Variants in TXNDC15 observed in about 807,000 individuals in gnomAD.
TXNDC15 encodes the protein thioredoxin domain containing 15, also known as thioredoxin domain-containing protein 15.
In TXNDC15, 24 loss-of-function variants were observed where a neutral mutation model predicts 35.0. The observed-to-expected ratio is 0.68, with a 90% CI of 0.50 to 0.96. The LOEUF (loss-of-function observed/expected upper bound fraction) is 0.96. Ranked by LOEUF, TXNDC15 falls within the 40% of genes least tolerant of loss-of-function variation. TXNDC15 has a pLI of 0.00. For synonymous variants in TXNDC15, 169 were observed against 174.0 expected (o/e 0.97, Z 0.23); for missense variants, 385 against 453.3 (o/e 0.85, Z 1.37).
At chr5:134,893,860 G>A (rs1455447171) in intron 3 of TXNDC15, among the ~76,000 whole-genome samples, 1 of 152,174 alleles carries the variant, frequency 6.6e-6, no homozygotes, top group Non-Finnish European at 1.5e-5. Flanking sequence ...CTTAAAGAAA[G>A]TGGGCTGTTC....
At chr5:134,881,203 T>TTTA (rs1561897025) in intron 1 of TXNDC15, among the ~76,000 whole-genome samples, 3 of 28,888 alleles carry the variant, frequency 1.0e-4, no homozygotes, top group Admixed American at 3.1e-4. Context: ...TTATTTATTT[T>TTTA]TTTATTGATC....
intron 1 of TXNDC15, among the ~76,000 whole-genome samples, chr5:134,879,630 C>T (rs1263924965): frequency 2.0e-5 from 3 of 152,084 alleles, no homozygotes; most frequent in African/African-American, 4.8e-5. Flanking sequence ...AATGTGATCC[C>T]GCCCCTCCAC....
chr5:134,879,757 A>G (rs1453441792), intron 1 of TXNDC15, among the ~76,000 whole-genome samples: 4 of 148,058 alleles, frequency 2.7e-5, no homozygotes, highest in Non-Finnish European at 5.9e-5. Flanking sequence ...ACTCTGTCCT[A>G]TGTAACCTCC....
intron 1 of TXNDC15, among the ~76,000 whole-genome samples, chr5:134,879,445 AC>A (rs1206096651): frequency 6.6e-6 from 1 of 151,992 alleles, no homozygotes; most frequent in Non-Finnish European, 1.5e-5. Flanking sequence ...GTTGGGTTGG[AC>A]CCCAAACCTG....
At chr5:134,874,336 C>T (rs1056365021), upstream of TXNDC15, 1 of 1,117,140 alleles carries the variant, frequency 9.0e-7, no homozygotes, top group African/African-American at 1.7e-5. Flanking sequence ...CGCGGGGCCG[C>T]GCCCGCGCTC....
intron 1 of TXNDC15, among the ~76,000 whole-genome samples, chr5:134,881,672 C>T (rs1252235988): frequency 6.9e-6 from 1 of 144,348 alleles, no homozygotes; most frequent in African/African-American, 2.6e-5. Context: ...CTGCCATTGT[C>T]ATCATGGCCC....
At chr5:134,874,324 G>T, upstream of TXNDC15, 1 of 951,044 alleles carries the variant, frequency 1.1e-6, no homozygotes, top group Non-Finnish European at 1.5e-6. Flanking sequence ...TTAAGATGGC[G>T]GCGCGGGGCC....
chr5:134,875,115 C>T (rs933649864), intron 1 of TXNDC15: 5 of 456,126 alleles, frequency 1.1e-5, no homozygotes, highest in African/African-American at 1.0e-4. Flanking sequence ...CTTAAGGAGG[C>T]CAGTCTTGCT....
intron 1 of TXNDC15, among the ~76,000 whole-genome samples, chr5:134,874,815 C>G (rs562819468): frequency 4.5e-4 from 69 of 152,374 alleles, no homozygotes; most frequent in African/African-American, 1.6e-3. Flanking sequence ...GCGGTAAGCG[C>G]TGCTGAGGCA....
At chr5:134,896,161 T>C in intron 3 of TXNDC15, 133 bp from the exon 4 acceptor site, 1 of 1,109,922 alleles carries the variant, frequency 9.0e-7, no homozygotes. Flanking sequence ...AAGCCAAAAG[T>C]TTCAAGTATC....
At chr5:134,898,008 C>CA (rs1463189356) in intron 4 of TXNDC15, among the ~76,000 whole-genome samples, 18 of 127,530 alleles carry the variant, frequency 1.4e-4, no homozygotes, top group Middle Eastern at 3.9e-3. Flanking sequence ...GACTCCGTCT[C>CA]AAAAAAAAAA....
At chr5:134,877,867 G>C (rs1390331989) in intron 1 of TXNDC15, among the ~76,000 whole-genome samples, 3 of 151,844 alleles carry the variant, frequency 2.0e-5, no homozygotes, top group African/African-American at 7.3e-5. Context: ...CTGCCTCCCG[G>C]GTTCAAGCGA....
intron 2 of TXNDC15, among the ~76,000 whole-genome samples, chr5:134,891,423 T>G (rs551530568): frequency 1.3e-5 from 2 of 152,322 alleles, no homozygotes; most frequent in Admixed American, 1.3e-4. Flanking sequence ...AACTCTTGGT[T>G]GACCAGGTGC....
At chr5:134,880,234 T>A (rs1750114710) in intron 1 of TXNDC15, among the ~76,000 whole-genome samples, 1 of 152,186 alleles carries the variant, frequency 6.6e-6, no homozygotes, top group Non-Finnish European at 1.5e-5. Context: ...ATAGCTAGAT[T>A]TTTGGAAAGA....
chr5:134,882,012 G>A (rs1202402750), intron 1 of TXNDC15, among the ~76,000 whole-genome samples: 10 of 151,932 alleles, frequency 6.6e-5, no homozygotes, highest in Non-Finnish European at 1.2e-4. Flanking sequence ...TCCCAGACGG[G>A]GTGGCTGCCG....
intron 2 of TXNDC15, among the ~76,000 whole-genome samples, chr5:134,891,169 G>C (rs1750382087): frequency 6.6e-6 from 1 of 152,258 alleles, no homozygotes; most frequent in African/African-American, 2.4e-5. Flanking sequence ...TTGACCACCT[G>C]CCATGAATCA....
chr5:134,876,262 A>G (rs1221411778), intron 1 of TXNDC15, among the ~76,000 whole-genome samples: 3 of 152,050 alleles, frequency 2.0e-5, no homozygotes, highest in Non-Finnish European at 2.9e-5. Context: ...CAGCTGTCCT[A>G]CCGTCTTGCT....
rs78152960 is a variant in TXNDC15, at chr5:134,894,297, G to A, written c.755+642G>A. ...CTTGAACTCCTGGGCTCAAGCGATC[G>A]TCCTGACTTAACCTCCTGAGTAGCA... is the stretch of plus-strand genomic sequence containing the variant. On this transcript the variant is annotated intron_variant, in intron 3 of 4. Coordinates refer to ENST00000358387, the MANE Select transcript of TXNDC15 (RefSeq NM_024715.4). Among the ~76,000 whole-genome samples, 511 of 151,538 alleles carry A rather than the reference G, an allele frequency of 3.4e-3. 8 individuals are homozygous for A. In the East Asian group the frequency reaches 0.037, roughly 11 times the overall value.
At chr5:134,874,911 T>G (rs73790720) in intron 1 of TXNDC15, among the ~76,000 whole-genome samples, 3,294 of 152,370 alleles carry the variant, frequency 0.022, 101 homozygotes, top group African/African-American at 0.068. Context: ...CCAGGAACTG[T>G]GCATCGTGCT....
Sources: allele counts gnomAD v4.1 joint callset (sites outside exome capture counted in the v4.1 genomes callset), GRCh38; gene constraint gnomAD v4.1.1; transcripts MANE v1.5; gene names NCBI Gene and HGNC (gene_info 2026-07-23, HGNC 2026-07-21).